The following ZBTB7C variants were observed in gnomAD, a reference collection of about 807,000 sequenced individuals.
ZBTB7C encodes the protein zinc finger and BTB domain-containing protein 7C.
A neutral mutation model predicts 25.7 loss-of-function variants in ZBTB7C; 8 were observed. The ratio of observed to expected loss-of-function variants is 0.31; its 90% CI spans 0.18 to 0.56. The LOEUF (loss-of-function observed/expected upper bound fraction) is 0.56. ZBTB7C is among the 20% of genes least tolerant of loss of function. ZBTB7C has a pLI of 0.91. For missense variants in ZBTB7C, 824 were observed against 855.2 expected, an observed-to-expected ratio of 0.96 and a Z score of 0.46; for synonymous variants, 394 against 369.0, an observed-to-expected ratio of 1.07 and a Z score of -0.78.
chr18:48,275,339 T>C (rs1191670768), intron 2 of ZBTB7C, among the ~76,000 whole-genome samples: 1 of 152,212 alleles, frequency 6.6e-6, no homozygotes, highest in Non-Finnish European at 1.5e-5. Flanking sequence ...TGCGTTCCTA[T>C]GCCTAGGATT....
intron 3 of ZBTB7C, among the ~76,000 whole-genome samples, chr18:48,135,814 C>A (rs1008153669): frequency 6.6e-6 from 1 of 152,208 alleles, no homozygotes; most frequent in Non-Finnish European, 1.5e-5. Context: ...CAATCACTTC[C>A]TTTCTATTTT....
chr18:48,140,367 G>T (rs1209117417), intron 3 of ZBTB7C, among the ~76,000 whole-genome samples: 2 of 152,216 alleles, frequency 1.3e-5, no homozygotes, highest in South Asian at 2.1e-4. Context: ...ACCACGCTGT[G>T]GGGTAGATCT....
intron 2 of ZBTB7C, among the ~76,000 whole-genome samples, chr18:48,221,920 A>G (rs139030005): frequency 7.0e-3 from 615 of 88,338 alleles, no homozygotes; most frequent in Admixed American, 9.5e-3. Flanking sequence ...ATACTGTCCT[A>G]GTCTCCTCTA....
intron 2 of ZBTB7C, among the ~76,000 whole-genome samples, chr18:48,315,116 T>C (rs2045919316): frequency 6.6e-6 from 1 of 152,154 alleles, no homozygotes; most frequent in Non-Finnish European, 1.5e-5. Flanking sequence ...AAAATGTGTG[T>C]GATTTCAGAA....
intron 2 of ZBTB7C, among the ~76,000 whole-genome samples, chr18:48,261,815 T>C (rs1299205866): frequency 6.6e-6 from 1 of 152,222 alleles, no homozygotes; most frequent in African/African-American, 2.4e-5. Context: ...GAAAGGCATT[T>C]TGGGGATGTG....
At chr18:48,389,568 G>T (rs2047850388) in intron 1 of ZBTB7C, among the ~76,000 whole-genome samples, 2 of 144,982 alleles carry the variant, frequency 1.4e-5, no homozygotes, top group Non-Finnish European at 3.0e-5. Flanking sequence ...ATAAATGGTT[G>T]TAATGGGCAG....
intron 1 of ZBTB7C, among the ~76,000 whole-genome samples, chr18:48,390,264 T>C (rs2047868430): frequency 6.7e-6 from 1 of 150,090 alleles, no homozygotes; most frequent in Non-Finnish European, 1.5e-5. Flanking sequence ...AATACATGGA[T>C]ACATTTTAAT....
At chr18:48,131,684 G>C (rs2039990185) in intron 3 of ZBTB7C, among the ~76,000 whole-genome samples, 1 of 152,182 alleles carries the variant, frequency 6.6e-6, no homozygotes, top group Non-Finnish European at 1.5e-5. Flanking sequence ...GGGACATAGA[G>C]GGAAAGCTCA....
chr18:48,042,498 T>TA (rs2036292719), intron 3 of ZBTB7C, among the ~76,000 whole-genome samples: 1 of 152,186 alleles, frequency 6.6e-6, no homozygotes, highest in Non-Finnish European at 1.5e-5. Context: ...TGGAGATCCT[T>TA]ACACATTTAT....
intron 2 of ZBTB7C, among the ~76,000 whole-genome samples, chr18:48,302,211 G>T (rs2045561136): frequency 6.6e-6 from 1 of 152,172 alleles, no homozygotes; most frequent in Non-Finnish European, 1.5e-5. Flanking sequence ...CCATTCCCCA[G>T]AAAGGGACAC....
intron 3 of ZBTB7C, among the ~76,000 whole-genome samples, chr18:48,166,814 G>A (rs950534095): frequency 6.6e-6 from 1 of 152,170 alleles, no homozygotes; most frequent in Admixed American, 6.5e-5. Context: ...CCTGGAAGCT[G>A]CTGTCCACAC....
At chr18:48,104,470 T>G (rs1356182008) in intron 3 of ZBTB7C, among the ~76,000 whole-genome samples, 1 of 152,194 alleles carries the variant, frequency 6.6e-6, no homozygotes, top group Non-Finnish European at 1.5e-5. Context: ...TTATAAATTG[T>G]CTAGCTTCAG....
intron 3 of ZBTB7C, among the ~76,000 whole-genome samples, chr18:48,120,582 C>A (rs1012532770): frequency 2.0e-5 from 3 of 151,946 alleles, no homozygotes; most frequent in Non-Finnish European, 4.4e-5. Context: ...TGCACTCCAG[C>A]CTGGTGACAG....
intron 3 of ZBTB7C, among the ~76,000 whole-genome samples, chr18:48,118,507 T>C (rs2039522232): frequency 6.6e-6 from 1 of 152,236 alleles, no homozygotes; most frequent in Non-Finnish European, 1.5e-5. Context: ...AAAACTTTAA[T>C]AGTAAAAAGT....
At chr18:48,046,975 C>T (rs377742677) in intron 3 of ZBTB7C, among the ~76,000 whole-genome samples, 5 of 152,312 alleles carry the variant, frequency 3.3e-5, no homozygotes, top group South Asian at 2.1e-4. Context: ...CTTCTCACTG[C>T]GCCTTGGTTT....
chr18:48,048,884 G>C (rs1166835348), intron 3 of ZBTB7C, among the ~76,000 whole-genome samples: 5 of 152,090 alleles, frequency 3.3e-5, no homozygotes, highest in Admixed American at 3.3e-4. Context: ...CAAAGAGCTT[G>C]GCAAGGCTGG....
At chr18:48,270,253 C>CTTTTTTTTTTTTTTTTTTTTTT (rs760096959) in intron 2 of ZBTB7C, among the ~76,000 whole-genome samples, 1 of 98,756 alleles carries the variant, frequency 1.0e-5, no homozygotes, top group Non-Finnish European at 2.0e-5. Context: ...TTCTCTCTTT[C>CTTTTTTTTTTTTTTTTTTTTTT]TTTTTTTTTT....
At chr18:48,355,638 A>G (rs1015671438) in intron 1 of ZBTB7C, among the ~76,000 whole-genome samples, 21 of 152,326 alleles carry the variant, frequency 1.4e-4, no homozygotes, top group African/African-American at 4.8e-4. Flanking sequence ...GCACAACTCC[A>G]GTGGGTGCCG....
rs1269122085 is a variant in ZBTB7C, at chr18:48,029,108, G to A, written c.*152C>T. On this transcript the variant is annotated 3_prime_UTR_variant, in exon 5 of 5. Coordinates refer to ENST00000590800, the MANE Select transcript of ZBTB7C (RefSeq NM_001318841.2). ...AAGGAGGCAGCTGCTTTAGGAGCCCGGGAAAATGCCATCACTGATAGTATT... is the reference window on the plus strand; with the variant it reads ...AAGGAGGCAGCTGCTTTAGGAGCCCAGGAAAATGCCATCACTGATAGTATT... 5.5e-5 allele frequency: 64 copies of A among 1,164,838 alleles called. 1 individual carries two copies. Among genetic ancestry groups the A allele is most frequent in the Non-Finnish European group, 7.0e-5 (61 of 875,352 alleles). The allele number at this position is 1,164,838 out of a possible 1,614,324, so 72.2% of individuals were successfully genotyped here. A position where few individuals can be genotyped will look rare whatever the true frequency, so the allele number is the denominator to read the frequency against.
Sources: allele counts gnomAD v4.1 joint callset (sites outside exome capture counted in the v4.1 genomes callset), GRCh38; gene constraint gnomAD v4.1.1; transcripts MANE v1.5; gene names NCBI Gene and HGNC (gene_info 2026-07-23, HGNC 2026-07-21).